The following COG5 variants were observed in gnomAD, a reference collection of about 807,000 sequenced individuals.
COG5 encodes the protein conserved oligomeric Golgi complex subunit 5.
In COG5, 86 loss-of-function variants were observed where a neutral mutation model predicts 110.4. The observed-to-expected ratio is 0.78, with a 90% CI of 0.65 to 0.93. The LOEUF (loss-of-function observed/expected upper bound fraction) is 0.93. Ranked by LOEUF, COG5 falls within the 40% of genes least tolerant of loss-of-function variation. COG5 has a pLI of 0.00. For missense variants in COG5, 1,077 were observed against 987.0 expected (o/e 1.09, Z -1.22); for synonymous variants, 360 against 334.6 (o/e 1.08, Z -0.83).
At chr7:107,393,916 T>C (rs1031905365) in intron 7 of COG5, among the ~76,000 whole-genome samples, 4 of 152,108 alleles carry the variant, frequency 2.6e-5, no homozygotes, top group African/African-American at 9.7e-5. Flanking sequence ...TAGATTATAA[T>C]ATAAAATTTG....
chr7:107,331,241 C>T (rs952450718), intron 10 of COG5, among the ~76,000 whole-genome samples: 4 of 151,914 alleles, frequency 2.6e-5, no homozygotes, highest in South Asian at 2.1e-4. Flanking sequence ...TTTGGGAGGC[C>T]GAGATCACGA....
chr7:107,456,199 A>C (rs761464959), intron 6 of COG5, among the ~76,000 whole-genome samples: 1 of 152,216 alleles, frequency 6.6e-6, no homozygotes, highest in Admixed American at 6.5e-5. Flanking sequence ...AAAGTAAAAC[A>C]ACCACCAAAG....
chr7:107,342,263 T>C (rs1337818404), intron 10 of COG5, among the ~76,000 whole-genome samples: 6 of 146,926 alleles, frequency 4.1e-5, no homozygotes, highest in African/African-American at 1.5e-4. Context: ...AACAAACATA[T>C]GAAAAAATAC....
intron 19 of COG5, among the ~76,000 whole-genome samples, chr7:107,226,823 A>C (rs1257561006): frequency 6.6e-6 from 1 of 152,260 alleles, no homozygotes. Context: ...CTGAGAAAGC[A>C]CTAGGATTAA....
intron 6 of COG5, among the ~76,000 whole-genome samples, chr7:107,514,098 G>A (rs1159865433): frequency 6.6e-6 from 1 of 151,974 alleles, no homozygotes; most frequent in Non-Finnish European, 1.5e-5. Flanking sequence ...GACACGTGGT[G>A]TTAATATATT....
In COG5 at chr7:107,243,448, C is replaced by T. The variant is rs549665372; in HGVS notation, c.1853+4948G>A. 5.5e-5 allele frequency among the ~76,000 whole-genome samples: 8 copies of T among 144,812 alleles called. No homozygotes were observed. In the Admixed American group the frequency reaches 5.8e-4, roughly 10 times the overall value. On this transcript the variant is annotated intron_variant, in intron 17 of 21. Coordinates refer to ENST00000297135, the MANE Select transcript of COG5 (RefSeq NM_006348.5). ...GAATGGTGTGAACCCAGGAGGTAGA[C>T]TTGCAGTGAGCCGAGATCACGCCAC... is the stretch of plus-strand genomic sequence containing the variant.
At chr7:107,297,807 AT>A in intron 12 of COG5, among the ~76,000 whole-genome samples, 1 of 152,134 alleles carries the variant, frequency 6.6e-6, no homozygotes, top group Non-Finnish European at 1.5e-5. Flanking sequence ...TGGTCCATCA[AT>A]AAATGATACT....
At chr7:107,428,294 A>G (rs1211759766) in intron 6 of COG5, among the ~76,000 whole-genome samples, 1 of 152,112 alleles carries the variant, frequency 6.6e-6, no homozygotes, top group East Asian at 1.9e-4. Flanking sequence ...TATCCTAGTT[A>G]AAATAAAGTT....
intron 6 of COG5, among the ~76,000 whole-genome samples, chr7:107,422,245 T>C (rs1028669597): frequency 5.3e-5 from 8 of 152,232 alleles, no homozygotes; most frequent in Admixed American, 1.3e-4. Flanking sequence ...AATTATATAA[T>C]AATATTCACT....
intron 7 of COG5, among the ~76,000 whole-genome samples, chr7:107,403,792 T>C (rs757059061): frequency 3.9e-5 from 6 of 152,206 alleles, no homozygotes; most frequent in Non-Finnish European, 8.8e-5. Context: ...AACATAATTT[T>C]GGCGGTTAGG....
intron 6 of COG5, among the ~76,000 whole-genome samples, chr7:107,485,494 A>G (rs4730248): frequency 0.15 from 22,853 of 152,212 alleles, 2,109 homozygotes; most frequent in Non-Finnish European, 0.2. Flanking sequence ...ACATATGCTT[A>G]CCAATTTTAC....
chr7:107,409,078 T>C (rs139712317), intron 7 of COG5, among the ~76,000 whole-genome samples: 246 of 150,194 alleles, frequency 1.6e-3, no homozygotes, highest in African/African-American at 5.7e-3. Context: ...TGGAAGCAGA[T>C]TGAGATTTTA....
intron 14 of COG5, among the ~76,000 whole-genome samples, chr7:107,275,920 C>T (rs1193232575): frequency 6.6e-6 from 1 of 151,828 alleles, no homozygotes; most frequent in Non-Finnish European, 1.5e-5. Context: ...TTTTTTCCAT[C>T]ATAGGAATGT....
At chr7:107,284,065 C>T (rs1029624856) in intron 12 of COG5, among the ~76,000 whole-genome samples, 4 of 152,050 alleles carry the variant, frequency 2.6e-5, no homozygotes, top group African/African-American at 9.7e-5. Context: ...GCTGGGATTA[C>T]AGCTGCCCGC....
chr7:107,346,578 C>G (rs150935596), intron 10 of COG5, among the ~76,000 whole-genome samples: 2 of 152,068 alleles, frequency 1.3e-5, no homozygotes, highest in African/African-American at 4.8e-5. Flanking sequence ...AAAAACCAAA[C>G]GAGAAAATAA....
At chr7:107,205,954 G>GT (rs11310380) in intron 21 of COG5, among the ~76,000 whole-genome samples, 3,379 of 143,318 alleles carry the variant, frequency 0.024, 63 homozygotes, top group African/African-American at 0.052. Flanking sequence ...AAGTGTAGCT[G>GT]TTTTTTTTTT....
rs532745795 is a variant in COG5, at chr7:107,206,926, CAGTT to C, written c.2376-3300_2376-3297del. On this transcript the variant is annotated intron_variant, in intron 21 of 21. Transcript: ENST00000297135. ...GGAAGTCAGGCCAAGTGTTATGTAACAGTTAGTCTTAACTCTGGTTTGTAACCAA... is the reference window on the plus strand; with the variant it reads ...GGAAGTCAGGCCAAGTGTTATGTAACAGTCTTAACTCTGGTTTGTAACCAA... Among the ~76,000 whole-genome samples the C allele has an allele frequency of 8.5e-4, 129 of 152,228 alleles. 3 individuals carry two copies. In the South Asian group the frequency reaches 0.021, roughly 24 times the overall value.
intron 10 of COG5, among the ~76,000 whole-genome samples, chr7:107,335,949 T>C (rs1393805204): frequency 6.6e-6 from 1 of 152,056 alleles, no homozygotes; most frequent in Non-Finnish European, 1.5e-5. Context: ...GCACCCAATA[T>C]TGAAACATCC....
intron 6 of COG5, among the ~76,000 whole-genome samples, chr7:107,461,336 C>T (rs553820394): frequency 6.7e-6 from 1 of 150,348 alleles, no homozygotes; most frequent in South Asian, 2.1e-4. Flanking sequence ...ATGAGAAAAA[C>T]CATATGAACC....
Sources: gnomAD v4.1 joint callset for allele counts (sites outside exome capture counted in the v4.1 genomes callset) on GRCh38, gnomAD v4.1.1 for gene constraint, MANE v1.5 for transcripts, NCBI Gene and HGNC (gene_info 2026-07-23, HGNC 2026-07-21) for gene names.